Variants in SLC6A4 observed in about 807,000 individuals in gnomAD.
SLC6A4 encodes the protein solute carrier family 6 member 4, also known as sodium-dependent serotonin transporter.
SLC6A4 carries 22 observed loss-of-function variants against 73.4 expected under a neutral mutation model. The observed-to-expected ratio is 0.30, with a 90% CI of 0.21 to 0.43. SLC6A4 has a LOEUF of 0.43. Ranked by LOEUF, SLC6A4 falls within the 20% of genes least tolerant of loss-of-function variation. The probability of loss-of-function intolerance (pLI) is 1.00; values close to 1 mark genes in which losing one functional copy is unlikely to be tolerated. For missense variants in SLC6A4, 593 were observed against 808.5 expected, an observed-to-expected ratio of 0.73 and a Z score of 3.23; for synonymous variants, 270 against 315.5, an observed-to-expected ratio of 0.86 and a Z score of 1.53.
intron 13 of SLC6A4, among the ~76,000 whole-genome samples, chr17:30,205,331 A>T (rs1260442971): frequency 2.0e-5 from 3 of 152,192 alleles, no homozygotes; most frequent in African/African-American, 7.2e-5. Context: ...ATAAATATGG[A>T]AGTAAACAAA....
Position 30,221,843 on chromosome 17 carries a change from T to C in SLC6A4, c.116A>G (p.Glu39Gly), listed in dbSNP as rs752079357. ...KVVPTPGDKV[E>G]SGQISNGYSA... The stretch of plus-strand genomic sequence containing the variant: ...GTACCCATTGGATATTTGCCCGGAC[T>C]CCACTTTGTCCCCTGGGGTGGGAAC... Residue 39 changes from glutamate (E) to glycine (G), a missense_variant, in exon 3 of 15, where the codon GAG becomes GGG. Physicochemically the swap from Glu to Gly is moderately conservative, Grantham distance 98. Transcript: ENST00000650711. 1 of 1,614,186 alleles carries C rather than the reference T, an allele frequency of 6.2e-7. No individual in the cohort carries two copies. Among genetic ancestry groups the C allele is most frequent in the Non-Finnish European group, 8.5e-7 (1 of 1,180,034 alleles).
intron 8 of SLC6A4, 115 bp downstream of exon 8, chr17:30,215,496 A>G (rs185555142): frequency 7.2e-6 from 6 of 827,750 alleles, no homozygotes; most frequent in Middle Eastern, 2.4e-4. Context: ...GGGCAGTGGT[A>G]TCAAGGCCTA....
chr17:30,215,729 G>A lies in SLC6A4; in HGVS notation c.973-15C>T. On this transcript the variant is annotated splice_polypyrimidine_tract_variant and intron_variant, in intron 7 of 14. Coordinates refer to ENST00000650711, the MANE Select transcript of SLC6A4 (RefSeq NM_001045.6). ...TCTATCCACACCTGGAACACAGCAG[G>A]GGTAAGGGCATGGGGTGAGGGGGAG... 1 of 1,609,144 alleles carries A rather than the reference G, an allele frequency of 6.2e-7. No homozygotes were observed. The highest frequency in any genetic ancestry group is 1.1e-5 in the South Asian group (1 of 90,970).
chr17:30,215,748 G>C (rs200060491), intron 7 of SLC6A4, 34 bp from the exon 8 acceptor site: 6 of 1,578,524 alleles, frequency 3.8e-6, no homozygotes, highest in Non-Finnish European at 5.2e-6. Flanking sequence ...CATGGGGTGA[G>C]GGGGAGACAC....
intron 14 of SLC6A4, among the ~76,000 whole-genome samples, chr17:30,202,815 C>T (rs1394298634): frequency 6.6e-6 from 1 of 152,178 alleles, no homozygotes; most frequent in Non-Finnish European, 1.5e-5. Context: ...ATAATTGCCA[C>T]TTAAAATTTG....
chr17:30,210,686 G>A, intron 10 of SLC6A4, 40 bp from the exon 11 acceptor site: 2 of 1,590,038 alleles, frequency 1.3e-6, no homozygotes, highest in African/African-American at 1.3e-5. Context: ...GAGGCTTTGG[G>A]ACAAGGCTGT....
At chr17:30,209,092 T>C (rs750876191) in intron 12 of SLC6A4, 51 bp downstream of exon 12, 1 of 1,295,518 alleles carries the variant, frequency 7.7e-7, no homozygotes, top group Non-Finnish European at 1.1e-6. Context: ...TTTGCTACTG[T>C]GCTGGCTGAT....
intron 6 of SLC6A4, 98 bp downstream of exon 6, chr17:30,217,068 G>T: frequency 9.6e-7 from 1 of 1,042,932 alleles, no homozygotes; most frequent in Non-Finnish European, 1.4e-6. Context: ...GTTTGGTGTG[G>T]AAGGAAACAG....
chr17:30,204,994 C>T (rs771499411), intron 13 of SLC6A4, among the ~76,000 whole-genome samples: 8 of 152,054 alleles, frequency 5.3e-5, no homozygotes, highest in Non-Finnish European at 1.0e-4. Flanking sequence ...ACCTCAGGCA[C>T]GACATTTCAG....
At chr17:30,234,015 C>T (rs945596059) in intron 1 of SLC6A4, among the ~76,000 whole-genome samples, 1 of 151,952 alleles carries the variant, frequency 6.6e-6, no homozygotes, top group Non-Finnish European at 1.5e-5. Context: ...CTCCTAACCC[C>T]CCTCCAGCCA....
intron 6 of SLC6A4, 59 bp downstream of exon 6, chr17:30,217,107 A>C (rs1167453255): frequency 3.3e-6 from 5 of 1,530,062 alleles, no homozygotes; most frequent in Non-Finnish European, 4.5e-6. Context: ...CTGGGTTTTG[A>C]GTTTGAGAGC....
chr17:30,206,734 T>G (rs1906216572), intron 13 of SLC6A4, among the ~76,000 whole-genome samples: 1 of 146,372 alleles, frequency 6.8e-6, no homozygotes, highest in Non-Finnish European at 1.5e-5. Context: ...TTTTTTTTTT[T>G]TTGAGACAGA....
At chr17:30,217,882 G>T (rs543204218) in intron 5 of SLC6A4, among the ~76,000 whole-genome samples, 157 of 152,196 alleles carry the variant, frequency 1.0e-3, no homozygotes, top group Non-Finnish European at 1.9e-3. Flanking sequence ...GGGCTTGGGC[G>T]CATTGGAGCA....
At chr17:30,214,513 A>G (rs934608656) in intron 8 of SLC6A4, among the ~76,000 whole-genome samples, 1 of 151,794 alleles carries the variant, frequency 6.6e-6, no homozygotes, top group Non-Finnish European at 1.5e-5. Context: ...TTGTTTATAC[A>G]TAATACAAAT....
chr17:30,221,492 T>TCCCAGGTCACAGCCCAC, intron 3 of SLC6A4, 124 bp downstream of exon 3: 1 of 376,456 alleles, frequency 2.7e-6, no homozygotes, highest in Non-Finnish European at 4.3e-6. Flanking sequence ...TCACAGCCCA[T>TCCCAGGTCACAGCCCAC]CCCAGGTCAC....
At chr17:30,218,364 A>G in intron 4 of SLC6A4, 27 bp from the exon 5 acceptor site, 3 of 1,584,240 alleles carry the variant, frequency 1.9e-6, no homozygotes, top group Non-Finnish European at 2.6e-6. Flanking sequence ...ATGGAGAGAC[A>G]GAGGCCGAGT....
rs753124472 is a variant in SLC6A4 at position 30,210,562 on chromosome 17, C to G, written c.1402G>C (p.Ala468Pro). The change falls in exon 11 of 15, where the codon GCC (alanine) becomes CCC (proline). Residue 468 changes from alanine (A) to proline (P), a missense_variant. Ala to Pro is a conservative substitution (Grantham distance 27). Transcript: ENST00000650711. ...CCAAAGAAGCAGGTGATGACCACGGCGAGCACGAACCGCTCCCGGCGCTTG... is the reference window on the plus strand; with the variant it reads ...CCAAAGAAGCAGGTGATGACCACGGGGAGCACGAACCGCTCCCGGCGCTTG... Reference protein sequence around the residue: ...WAKRRERFVLAVVITCFFGSL... With the variant: ...WAKRRERFVLPVVITCFFGSL... The G allele has an allele frequency of 1.2e-6, 2 of 1,613,814 alleles. No homozygotes were observed. Among genetic ancestry groups the G allele is most frequent in the Non-Finnish European group, 1.7e-6 (2 of 1,179,896 alleles).
intron 1 of SLC6A4, among the ~76,000 whole-genome samples, chr17:30,231,308 T>G (rs1261343144): frequency 1.3e-5 from 2 of 151,254 alleles, no homozygotes; most frequent in East Asian, 3.9e-4. Context: ...CCTGTATGTA[T>G]ACCTACAGAT....
chr17:30,226,794 A>C (rs1232984217), intron 1 of SLC6A4, among the ~76,000 whole-genome samples: 1 of 151,232 alleles, frequency 6.6e-6, no homozygotes, highest in African/African-American at 2.4e-5. Flanking sequence ...ATGCATGAGA[A>C]TCGCCTGAAC....
Sources: allele counts gnomAD v4.1 joint callset (sites outside exome capture counted in the v4.1 genomes callset), GRCh38; gene constraint gnomAD v4.1.1; transcripts MANE v1.5; gene names NCBI Gene and HGNC (gene_info 2026-07-23, HGNC 2026-07-21).